Variants in DGKQ observed in about 807,000 individuals in gnomAD.
DGKQ encodes the protein DAG kinase theta.
DGKQ carries 97 observed loss-of-function variants against 104.2 expected under a neutral mutation model. The ratio of observed to expected loss-of-function variants is 0.93; its 90% CI spans 0.79 to 1.10. The LOEUF (loss-of-function observed/expected upper bound fraction) is 1.10, where lower values mean the gene tolerates loss of function less well. Among genes scored for constraint, DGKQ ranks in the 50% least tolerant of loss-of-function variants. The pLI is 0.00. For missense variants in DGKQ, 1,465 were observed against 1,352.1 expected (o/e 1.08, Z -1.31); for synonymous variants, 736 against 595.2 (o/e 1.24, Z -3.44).
At chr4:968,112 C>T (rs995430861) in intron 5 of DGKQ, 85 bp from the exon 6 acceptor site, 2 of 1,022,690 alleles carry the variant, frequency 2.0e-6, no homozygotes, top group South Asian at 1.9e-5. Flanking sequence ...AGACCCCACA[C>T]GACGCAGACC....
Position 966,350 on chromosome 4 carries a change from G to A in DGKQ, c.1428+116C>T, listed in dbSNP as rs531416971. Reference sequence around the variant, plus strand: ...ACGAGGGCGCTGCCCTGTCAGCCAGGACAGCCGCTGCCTAGCCAAGGAGAA... The same window carrying A: ...ACGAGGGCGCTGCCCTGTCAGCCAGAACAGCCGCTGCCTAGCCAAGGAGAA... On this transcript the variant is annotated intron_variant, in intron 12 of 22. Transcript: ENST00000273814. 5.0e-6 allele frequency: 6 copies of A among 1,210,868 alleles called. No individual in the cohort carries two copies. The South Asian group carries it at 6.8e-5, about 14-fold the overall frequency. 75.0% of individuals were successfully genotyped at this position (1,210,868 alleles called of 1,614,324 possible).
At chr4:972,711 C>T (rs1713031959) in intron 1 of DGKQ, among the ~76,000 whole-genome samples, 1 of 152,230 alleles carries the variant, frequency 6.6e-6, no homozygotes, top group Admixed American at 6.5e-5. Flanking sequence ...CACCCGGGCC[C>T]AGAACAGGGA....
Position 962,059 on chromosome 4 carries a change from A to G in DGKQ, c.2238T>C (p.Cys746=), listed in dbSNP as rs534501480. 2.5e-6 allele frequency: 4 copies of G among 1,612,390 alleles called. No individual in the cohort carries two copies. The Admixed American group carries it at 5.0e-5, about 20-fold the overall frequency. ...PPKIVQMSNY[C]GIGIDAELSL... is the part of the protein sequence containing the mutation. Reference sequence around the variant, plus strand: ...TCAGCTCCGCGTCGATGCCAATGCCACAGTAGTTACTCATCTGCACGATCT... The same window carrying G: ...TCAGCTCCGCGTCGATGCCAATGCCGCAGTAGTTACTCATCTGCACGATCT... The change falls in exon 19 of 23, where the codon TGT becomes TGC. Residue 746 remains cysteine, a synonymous_variant. Coordinates refer to ENST00000273814, the MANE Select transcript of DGKQ (RefSeq NM_001347.4).
At chr4:964,711 C>T (rs1024556564) in intron 15 of DGKQ, among the ~76,000 whole-genome samples, 8 of 152,302 alleles carry the variant, frequency 5.3e-5, no homozygotes, top group African/African-American at 1.7e-4. Flanking sequence ...TAAGGCCTCC[C>T]GGGCAGGGGG....
chr4:972,014 AG>A, intron 1 of DGKQ, among the ~76,000 whole-genome samples: 1 of 151,502 alleles, frequency 6.6e-6, no homozygotes, highest in East Asian at 2.0e-4. Context: ...CACCGAGAGA[AG>A]GGGGGACAGG....
chr4:967,599 GGCTTCTTCTCACC>G lies in DGKQ; in HGVS notation c.924_936del (p.Val309SerfsTer57). 1.2e-6 allele frequency: 2 copies of G among 1,612,710 alleles called. No individual in the cohort carries two copies. Among genetic ancestry groups the G allele is most frequent in the Non-Finnish European group, 1.7e-6 (2 of 1,179,874 alleles). ...CGGGACACCGTGACGAGGCGGAACT[GGCTTCTTCTCACC>G]GCGTCGTCGCCATCAAAGATCTTCA... On this transcript the variant is annotated frameshift_variant, in exon 8 of 23. Transcript: ENST00000273814. LOFTEE classifies it high-confidence loss of function.
At chr4:968,759 T>C in intron 3 of DGKQ, 52 bp downstream of exon 3, 4 of 1,535,536 alleles carry the variant, frequency 2.6e-6, no homozygotes, top group Non-Finnish European at 2.7e-6. Context: ...TGGGCCACCC[T>C]GGGCAGCAGA....
intron 5 of DGKQ, 76 bp from the exon 6 acceptor site, chr4:968,103 G>C: frequency 9.6e-7 from 1 of 1,039,484 alleles, no homozygotes; most frequent in South Asian, 2.0e-5. Context: ...TCCAGGGAAA[G>C]ACCCCACACG....
Position 968,383 on chromosome 4 carries a change from C to T in DGKQ, c.562G>A (p.Glu188Lys). 4 of 1,568,140 alleles carry T rather than the reference C, an allele frequency of 2.6e-6. No individual in the cohort carries two copies. The highest frequency in any genetic ancestry group is 1.7e-6 in the Non-Finnish European group (2 of 1,158,310). Residue 188 changes from glutamate to lysine, a missense_variant, in exon 5 of 23, where the codon GAG (glutamate) becomes AAG (lysine). Physicochemically the swap from Glu to Lys is moderately conservative, Grantham distance 56. Coordinates refer to ENST00000273814, the MANE Select transcript of DGKQ (RefSeq NM_001347.4). ...DHDTHHHHWR[E>K]GNLPSGARCE... ...CGCGCTCCCGAGGGCAGGTTCCCCT[C>T]CCGCCAGTGGTGGTGATGGGTGTCC... is the stretch of plus-strand genomic sequence containing the variant.
At position 961,683 on chromosome 4, in the gene DGKQ, A is replaced by G. The variant is rs1444483160; in HGVS notation, c.2462+5T>C. On this transcript the variant is annotated splice_donor_5th_base_variant and intron_variant, in intron 20 of 22. Transcript: ENST00000273814. ...GAGCCTCTGGGGAGCCCCGCCCGCG[A>G]GCACCTGGGGATGTTGATGAAGATG... The G allele has an allele frequency of 6.2e-7, 1 of 1,612,374 alleles. No homozygotes were observed. Among genetic ancestry groups the G allele is most frequent in the Admixed American group, 1.7e-5 (1 of 59,988 alleles).
rs1713117582 is a variant in DGKQ, at chr4:973,542, T to TA, written c.-61_-60insT. Reference sequence around the variant, plus strand: ...GCGCCGGGGGTACAGGAGCCGCCGCTCCACGGCCCGGTACACTGCTTCCGA... The same window carrying TA: ...GCGCCGGGGGTACAGGAGCCGCCGCTACCACGGCCCGGTACACTGCTTCCGA... On this transcript the variant is annotated 5_prime_UTR_variant, in exon 1 of 23. Transcript: ENST00000273814. 2.0e-6 allele frequency: 2 copies of TA among 980,188 alleles called. No homozygotes were observed. The highest frequency in any genetic ancestry group is 5.2e-4 in the Middle Eastern group (1 of 1,910). 60.7% of individuals were successfully genotyped at this position (980,188 alleles called of 1,614,324 possible). A position where few individuals can be genotyped will look rare whatever the true frequency, so the allele number is the denominator to read the frequency against.
In DGKQ at chr4:968,286, A is replaced by G. The variant is rs1350658406; in HGVS notation, c.659T>C (p.Val220Ala). Residue 220 changes from valine (V) to alanine (A), a missense_variant, in exon 5 of 23, where the codon GTC (valine) becomes GCC (alanine). By Grantham distance (64) the Val-to-Ala change is moderately conservative. Transcript: ENST00000273814. ...CCTCGACTTCCCAGCGCCCACCTGG[A>G]CCCCGCACCACTCGCAGCGCACGCC... Reference protein sequence around the residue: ...LAGVRCEWCGVQAHSLCSAAL... With the variant: ...LAGVRCEWCGAQAHSLCSAAL... The G allele has an allele frequency of 8.0e-6, 10 of 1,249,546 alleles. No homozygotes were observed. The Admixed American group carries it at 1.0e-4, about 13-fold the overall frequency. 77.4% of individuals were successfully genotyped at this position (1,249,546 alleles called of 1,614,324 possible).
chr4:966,899 C>T, intron 10 of DGKQ, 65 bp downstream of exon 10: 1 of 1,551,756 alleles, frequency 6.4e-7, no homozygotes, highest in South Asian at 1.2e-5. Context: ...GGTGGCCTGG[C>T]CTCCTGGGGA....
In DGKQ at chr4:968,260, CCCT is replaced by C; in HGVS notation, c.663+19_663+21del. 7.2e-7 allele frequency: 1 copy of C among 1,387,524 alleles called. No homozygotes were observed. Among genetic ancestry groups the C allele is most frequent in the Admixed American group, 2.3e-5 (1 of 43,594 alleles). 86.0% of individuals were successfully genotyped at this position (1,387,524 alleles called of 1,614,324 possible). A position where few individuals can be genotyped will look rare whatever the true frequency, so the allele number is the denominator to read the frequency against. The stretch of plus-strand genomic sequence containing the variant: ...GCACCTCTCCTGCCCCACCCCCACC[CCCT>C]CGACTTCCCAGCGCCCACCTGGACC... On this transcript the variant is annotated intron_variant, in intron 5 of 22. Coordinates refer to ENST00000273814, the MANE Select transcript of DGKQ (RefSeq NM_001347.4).
chr4:960,697 G>A lies in DGKQ; in HGVS notation c.2752C>T (p.Gln918Ter). The change falls in exon 23 of 23, where the codon CAG becomes TAG. Residue 918 changes from glutamine to a stop codon, truncating the protein, a stop_gained. Coordinates refer to ENST00000273814, the MANE Select transcript of DGKQ (RefSeq NM_001347.4). LOFTEE classifies it low-confidence loss of function (END_TRUNC). The stretch of plus-strand genomic sequence containing the variant: ...GTGGTCCCGGCCCTCCTCGGCTTCT[G>A]CTTGGCCTTCCTCAGCATGTGCACC... Reference protein sequence around the residue: ...PKVHMLRKAKQKPRRAGTTRD... With the variant: ...PKVHMLRKAK 1 of 1,612,080 alleles carries A rather than the reference G, an allele frequency of 6.2e-7. No homozygotes were observed.
chr4:966,324 G>A, intron 12 of DGKQ, 142 bp downstream of exon 12: 1 of 977,280 alleles, frequency 1.0e-6, no homozygotes, highest in South Asian at 1.6e-5. Context: ...AGTAGCTCAT[G>A]ACGAGGGCGC....
Position 962,069 on chromosome 4 carries a change from C to T in DGKQ, c.2228G>A (p.Ser743Asn). 2.5e-6 allele frequency: 4 copies of T among 1,611,982 alleles called. No individual in the cohort carries two copies. Among genetic ancestry groups the T allele is most frequent in the South Asian group, 1.1e-5 (1 of 91,088 alleles). ...DAEPPKIVQM[S>N]NYCGIGIDAE... ...GTCGATGCCAATGCCACAGTAGTTA[C>T]TCATCTGCACGATCTGGGGACAGGG... Residue 743 changes from serine (S) to asparagine (N), a missense_variant, in exon 19 of 23, where the codon AGT becomes AAT. Ser to Asn is a conservative substitution (Grantham distance 46). Coordinates refer to ENST00000273814, the MANE Select transcript of DGKQ (RefSeq NM_001347.4).
At position 962,620 on chromosome 4, in the gene DGKQ, C is replaced by G. The variant is rs1193205213; in HGVS notation, c.2036-7G>C. ...ACTCGACCAAGGTCATTCCCTGGGA[C>G]ACAAGCAGACACAGAGCATCTGTCC... On this transcript the variant is annotated splice_polypyrimidine_tract_variant and splice_region_variant and intron_variant, in intron 17 of 22. Coordinates refer to ENST00000273814, the MANE Select transcript of DGKQ (RefSeq NM_001347.4). 6.2e-7 allele frequency: 1 copy of G among 1,605,418 alleles called. No homozygotes were observed. Among genetic ancestry groups the G allele is most frequent in the South Asian group, 1.1e-5 (1 of 90,864 alleles).
At chr4:963,487 C>T (rs2153008413) in intron 15 of DGKQ, among the ~76,000 whole-genome samples, 197 bp from the exon 16 acceptor site, 1 of 152,336 alleles carries the variant, frequency 6.6e-6, no homozygotes, top group East Asian at 1.9e-4. Flanking sequence ...TCGCTGCTGG[C>T]CAGCAGGGCG....
Sources: allele counts gnomAD v4.1 joint callset (sites outside exome capture counted in the v4.1 genomes callset), GRCh38; gene constraint gnomAD v4.1.1; transcripts MANE v1.5; gene names NCBI Gene and HGNC (gene_info 2026-07-23, HGNC 2026-07-21).